The following BACE2 variants were observed in gnomAD, a reference collection of about 807,000 sequenced individuals.
BACE2 encodes beta-secretase 2, also known as 56 kDa aspartic-like protease.
BACE2 carries 17 observed loss-of-function variants against 46.2 expected under a neutral mutation model. The observed-to-expected ratio is 0.37, with a 90% CI of 0.25 to 0.55. The LOEUF (loss-of-function observed/expected upper bound fraction) is 0.55, where lower values mean the gene tolerates loss of function less well. Ranked by LOEUF, BACE2 falls within the 20% of genes least tolerant of loss-of-function variation. BACE2 has a pLI of 0.82. For synonymous variants in BACE2, 277 were observed against 295.9 expected, an observed-to-expected ratio of 0.94 and a Z score of 0.66; for missense variants, 595 against 698.1, an observed-to-expected ratio of 0.85 and a Z score of 1.66.
intron 1 of BACE2, among the ~76,000 whole-genome samples, chr21:41,220,220 G>GT (rs1315546033): frequency 6.6e-6 from 1 of 152,148 alleles, no homozygotes; most frequent in Admixed American, 6.5e-5. Flanking sequence ...TGCCCCCCCT[G>GT]TACACGCCAC....
Position 41,275,723 on chromosome 21 carries a change from C to T in BACE2, c.*99C>T. 1 of 1,418,118 alleles carries T rather than the reference C, an allele frequency of 7.1e-7. No homozygotes were observed. Among genetic ancestry groups the T allele is most frequent in the Non-Finnish European group, 9.5e-7 (1 of 1,047,848 alleles). The allele number at this position is 1,418,118 out of a possible 1,614,324, so 87.8% of individuals were successfully genotyped here. ...ATCGATGGTGGCGCTTTCTCCTGTG[C>T]CCACCCGTCTTCAATCTCTGTTCTG... On this transcript the variant is annotated 3_prime_UTR_variant, in exon 9 of 9. Coordinates refer to ENST00000330333, the MANE Select transcript of BACE2 (RefSeq NM_012105.5).
At chr21:41,226,447 G>A in intron 2 of BACE2, 93 bp downstream of exon 2, 1 of 1,175,432 alleles carries the variant, frequency 8.5e-7, no homozygotes, top group Non-Finnish European at 1.2e-6. Flanking sequence ...CCAGAAAGCT[G>A]TTTCATTTTA....
chr21:41,257,393 A>T (rs914291038), intron 8 of BACE2, 67 bp downstream of exon 8: 14 of 1,549,440 alleles, frequency 9.0e-6, no homozygotes, highest in Non-Finnish European at 1.2e-5. Context: ...GCTGACTTGG[A>T]AGCAATTCTT....
intron 7 of BACE2, among the ~76,000 whole-genome samples, chr21:41,254,436 G>T (rs975747638): frequency 6.6e-6 from 1 of 152,126 alleles, no homozygotes; most frequent in Admixed American, 6.5e-5. Context: ...CTGTGTATTC[G>T]TGTGTCTGCC....
chr21:41,195,375 C>T (rs2123519393), intron 1 of BACE2, among the ~76,000 whole-genome samples: 4 of 152,316 alleles, frequency 2.6e-5, no homozygotes, highest in Admixed American at 2.6e-4. Context: ...GGGAGATGTC[C>T]AGGCAGTGGC....
chr21:41,222,871 G>A (rs957711405), intron 1 of BACE2, among the ~76,000 whole-genome samples: 9 of 152,204 alleles, frequency 5.9e-5, no homozygotes, highest in African/African-American at 2.2e-4. Flanking sequence ...GAAGCCCTAG[G>A]GATCACCTCC....
intron 1 of BACE2, among the ~76,000 whole-genome samples, chr21:41,189,398 C>T (rs1985490770): frequency 6.6e-6 from 1 of 152,200 alleles, no homozygotes; most frequent in Non-Finnish European, 1.5e-5. Context: ...CTGCCACCCA[C>T]ATTTTAGTTT....
chr21:41,226,155 C>G, intron 1 of BACE2, 111 bp from the exon 2 acceptor site: 1 of 796,454 alleles, frequency 1.3e-6, no homozygotes, highest in African/African-American at 1.8e-5. Context: ...TTTTTTGTTC[C>G]AACTGATAAA....
At chr21:41,204,095 T>C (rs1986051100) in intron 1 of BACE2, among the ~76,000 whole-genome samples, 1 of 152,124 alleles carries the variant, frequency 6.6e-6, no homozygotes, top group African/African-American at 2.4e-5. Context: ...TGGCTCACTG[T>C]AGCCTCCGCC....
intron 1 of BACE2, among the ~76,000 whole-genome samples, chr21:41,203,765 G>T (rs1295629280): frequency 1.3e-5 from 2 of 152,100 alleles, no homozygotes; most frequent in Non-Finnish European, 2.9e-5. Flanking sequence ...GGTGAGGAAG[G>T]GTCAGTAAAG....
chr21:41,204,232 G>T (rs1370133175), intron 1 of BACE2, among the ~76,000 whole-genome samples: 1 of 152,116 alleles, frequency 6.6e-6, no homozygotes, highest in Non-Finnish European at 1.5e-5. Flanking sequence ...GTAGAGACAG[G>T]GTTTCAACAT....
chr21:41,241,271 T>A (rs1379789756), intron 3 of BACE2, among the ~76,000 whole-genome samples: 1 of 152,184 alleles, frequency 6.6e-6, no homozygotes, highest in Non-Finnish European at 1.5e-5. Flanking sequence ...GAGTATAGAT[T>A]TGTGCCTTTC....
intron 1 of BACE2, among the ~76,000 whole-genome samples, chr21:41,209,331 C>T (rs1299480116): frequency 6.6e-6 from 1 of 152,214 alleles, no homozygotes; most frequent in African/African-American, 2.4e-5. Context: ...AACAGAGGTG[C>T]CCAGGCTGTT....
chr21:41,257,151 C>T lies in BACE2; in HGVS notation c.1135-7C>T. The T allele has an allele frequency of 1.2e-6, 2 of 1,614,204 alleles. No individual in the cohort carries two copies. The highest frequency in any genetic ancestry group is 1.7e-6 in the Non-Finnish European group (2 of 1,180,026). On this transcript the variant is annotated splice_polypyrimidine_tract_variant and splice_region_variant and intron_variant, in intron 7 of 8. Transcript: ENST00000330333. ...TGTTTGTTTGCTCTCTCCTCTCCGA[C>T]AAACAGCTTTACATTCAGCCCATGA...
At chr21:41,219,487 A>G (rs914054827) in intron 1 of BACE2, among the ~76,000 whole-genome samples, 3 of 152,212 alleles carry the variant, frequency 2.0e-5, no homozygotes, top group African/African-American at 4.8e-5. Flanking sequence ...GGGAATGTTT[A>G]AAAATGGTGC....
intron 8 of BACE2, among the ~76,000 whole-genome samples, chr21:41,257,726 AC>A (rs1417817753): frequency 6.6e-6 from 1 of 152,100 alleles, no homozygotes; most frequent in Non-Finnish European, 1.5e-5. Flanking sequence ...GGAAATGAAC[AC>A]CTATCGTTGC....
At chr21:41,189,323 A>G (rs1342782191) in intron 1 of BACE2, among the ~76,000 whole-genome samples, 1 of 151,930 alleles carries the variant, frequency 6.6e-6, no homozygotes, top group Non-Finnish European at 1.5e-5. Flanking sequence ...CAGAAGTTGC[A>G]CCTTCTAGTC....
At chr21:41,229,842 CCAGAA>C (rs1290723293) in intron 2 of BACE2, among the ~76,000 whole-genome samples, 3 of 152,320 alleles carry the variant, frequency 2.0e-5, no homozygotes, top group East Asian at 3.9e-4. Context: ...CTGGGATCAT[CCAGAA>C]CTCATTTGAT....
In BACE2 at chr21:41,241,899, T is replaced by C. The variant is rs966611119; in HGVS notation, c.699T>C (p.Cys233=). Residue 233 remains cysteine, a synonymous_variant, in exon 4 of 9, where the codon TGT becomes TGC. Coordinates refer to ENST00000330333, the MANE Select transcript of BACE2 (RefSeq NM_012105.5). ...CCAACGTTTTCTCCATGCAGATGTGTGGAGCCGGCTTGCCCGTTGCTGGAT... is the reference window on the plus strand; with the variant it reads ...CCAACGTTTTCTCCATGCAGATGTGCGGAGCCGGCTTGCCCGTTGCTGGAT... The part of the protein sequence containing the change: ...NIPNVFSMQM[C]GAGLPVAGSG... 2 of 1,614,098 alleles carry C rather than the reference T, an allele frequency of 1.2e-6. No homozygotes were observed. The highest frequency in any genetic ancestry group is 2.7e-5 in the African/African-American group (2 of 74,928).
Sources: allele counts gnomAD v4.1 joint callset (sites outside exome capture counted in the v4.1 genomes callset), GRCh38; gene constraint gnomAD v4.1.1; transcripts MANE v1.5; gene names NCBI Gene and HGNC (gene_info 2026-07-23, HGNC 2026-07-21).